ANKS1A: variants seen among roughly 807,000 people sequenced by gnomAD.
ANKS1A encodes ankyrin repeat and sterile alpha motif domain containing 1A.
Under a neutral mutation model 120.3 loss-of-function variants are expected in ANKS1A, and 55 were observed. The observed-to-expected ratio is 0.46, with a 90% CI of 0.37 to 0.57. The LOEUF (loss-of-function observed/expected upper bound fraction) is 0.57. ANKS1A is among the 20% of genes least tolerant of loss of function. ANKS1A has a pLI of 0.00. For missense variants in ANKS1A, 1,123 were observed against 1,480.3 expected, an observed-to-expected ratio of 0.76 and a Z score of 3.96; for synonymous variants, 590 against 604.7, an observed-to-expected ratio of 0.98 and a Z score of 0.36.
intron 20 of ANKS1A, 21 bp downstream of exon 20, chr6:35,083,524 C>G (rs779265569): frequency 6.2e-7 from 1 of 1,612,304 alleles, no homozygotes; most frequent in East Asian, 2.2e-5. Flanking sequence ...TACAGGGACT[C>G]TTGGTGGGAG....
At chr6:34,998,721 A>G (rs556516548) in intron 10 of ANKS1A, among the ~76,000 whole-genome samples, 118 of 152,108 alleles carry the variant, frequency 7.8e-4, no homozygotes, top group African/African-American at 2.7e-3. Context: ...GGAATTGCTC[A>G]CTCGGGGAGC....
intron 1 of ANKS1A, among the ~76,000 whole-genome samples, chr6:34,954,313 A>T (rs1368286049): frequency 6.6e-6 from 1 of 152,174 alleles, no homozygotes; most frequent in Non-Finnish European, 1.5e-5. Flanking sequence ...AGGAGGTTTC[A>T]AACAATTCGT....
chr6:34,936,969 C>T (rs1175325748), intron 1 of ANKS1A, among the ~76,000 whole-genome samples: 1 of 152,108 alleles, frequency 6.6e-6, no homozygotes, highest in Non-Finnish European at 1.5e-5. Flanking sequence ...GTAGGTGGAC[C>T]TTGATCTCAA....
intron 1 of ANKS1A, among the ~76,000 whole-genome samples, chr6:34,955,591 C>G (rs981236244): frequency 3.4e-4 from 52 of 152,128 alleles, no homozygotes; most frequent in Admixed American, 3.4e-3. Context: ...CCAGCATTCT[C>G]CAGATATGGT....
intron 1 of ANKS1A, among the ~76,000 whole-genome samples, chr6:34,914,612 G>A (rs1053540218): frequency 1.3e-5 from 2 of 152,180 alleles, no homozygotes; most frequent in African/African-American, 4.8e-5. Context: ...TTAAAGGAAT[G>A]TGTTGGCCCC....
chr6:35,075,705 G>C (rs547277383), intron 13 of ANKS1A, among the ~76,000 whole-genome samples: 1 of 152,052 alleles, frequency 6.6e-6, no homozygotes, highest in African/African-American at 2.4e-5. Context: ...GAGCCACCGC[G>C]CCTGGCCAAA....
chr6:35,067,775 T>G (rs939788728), intron 13 of ANKS1A, among the ~76,000 whole-genome samples: 2 of 152,194 alleles, frequency 1.3e-5, no homozygotes, highest in African/African-American at 4.8e-5. Flanking sequence ...CTTCCTTTTT[T>G]AAGAAAATTA....
chr6:34,960,685 A>T (rs1160295607), intron 1 of ANKS1A, among the ~76,000 whole-genome samples: 7 of 152,198 alleles, frequency 4.6e-5, no homozygotes, highest in Admixed American at 4.6e-4. Context: ...TTTAGATGCC[A>T]TCCCAAAACA....
intron 23 of ANKS1A, among the ~76,000 whole-genome samples, chr6:35,087,323 A>G (rs1488669280): frequency 6.6e-6 from 1 of 152,176 alleles, no homozygotes; most frequent in Admixed American, 6.5e-5. Flanking sequence ...GGTGGGCATC[A>G]AGAGGGCTCA....
In ANKS1A at chr6:35,017,892, G is replaced by A. The variant is rs1774125607; in HGVS notation, c.1843G>A (p.Ala615Thr). ...SRAPPTSKPK[A>T]ELKLSRSLSK... ...AGCGCCTCCCACTAGCAAACCCAAA[G>A]CTGAACTCAAACTCAGCCGCAGCTT... The change falls in exon 11 of 24, where the codon GCT (alanine) becomes ACT (threonine). Residue 615 changes from alanine (A) to threonine (T), a missense_variant. Physicochemically the swap from Ala to Thr is moderately conservative, Grantham distance 58 (BLOSUM62 0). Transcript: ENST00000360359. 1 of 1,614,086 alleles carries A rather than the reference G, an allele frequency of 6.2e-7. No homozygotes were observed. Among genetic ancestry groups the A allele is most frequent in the Non-Finnish European group, 8.5e-7 (1 of 1,180,036 alleles).
chr6:34,985,934 A>G (rs895526698), intron 8 of ANKS1A, among the ~76,000 whole-genome samples: 16 of 152,238 alleles, frequency 1.1e-4, no homozygotes, highest in Non-Finnish European at 2.9e-5. Context: ...CTTGACTTAC[A>G]GTGGGATTAT....
At chr6:34,896,895 C>G (rs932296166) in intron 1 of ANKS1A, among the ~76,000 whole-genome samples, 5 of 151,952 alleles carry the variant, frequency 3.3e-5, no homozygotes, top group South Asian at 2.1e-4. Flanking sequence ...ACCTGGGAGG[C>G]AGAGGTTGTA....
rs1215030435 is a variant in ANKS1A at position 35,008,221 on chromosome 6, C to CT, written c.1424-9244dup. ...CAGCAGCTTCCTCTTCTCTCGCCAT[C>CT]TTTTTTTTAAATAGACGGGGTCTCG... is the stretch of plus-strand genomic sequence containing the variant. On this transcript the variant is annotated intron_variant, in intron 10 of 23. Coordinates refer to ENST00000360359, the MANE Select transcript of ANKS1A (RefSeq NM_015245.3). Among the ~76,000 whole-genome samples the CT allele has an allele frequency of 5.3e-5, 4 of 76,146 alleles. 1 individual carries two copies. Among genetic ancestry groups the CT allele is most frequent in the East Asian group, 3.4e-4 (1 of 2,914 alleles). The allele number at this position is 76,146 out of a possible 152,430, so 50.0% of individuals were successfully genotyped here.
intron 1 of ANKS1A, among the ~76,000 whole-genome samples, chr6:34,909,118 T>G (rs989571968): frequency 3.3e-5 from 5 of 152,188 alleles, no homozygotes; most frequent in Non-Finnish European, 1.5e-5. Flanking sequence ...GTTCTGACCT[T>G]GATCACCATA....
At position 35,089,953 on chromosome 6, in the gene ANKS1A, A is replaced by C; in HGVS notation, c.*1344A>C. 6 of 1,165,458 alleles carry C rather than the reference A, an allele frequency of 5.1e-6. No homozygotes were observed. The highest frequency in any genetic ancestry group is 6.5e-6 in the Non-Finnish European group (6 of 928,864). 72.2% of individuals were successfully genotyped at this position (1,165,458 alleles called of 1,614,324 possible). On this transcript the variant is annotated 3_prime_UTR_variant, in exon 24 of 24. Transcript: ENST00000360359. The stretch of plus-strand genomic sequence containing the variant: ...CAACACTCCTCTTTCCCAGCCAGCA[A>C]AGGCTGTGAATTTGAATTCTTTGTT...
At chr6:35,004,750 CA>C (rs1488979623) in intron 10 of ANKS1A, among the ~76,000 whole-genome samples, 1 of 150,838 alleles carries the variant, frequency 6.6e-6, no homozygotes, top group African/African-American at 2.4e-5. Context: ...CCCATCTCTG[CA>C]AAAAAAAATT....
At position 35,050,856 on chromosome 6, in the gene ANKS1A, T is replaced by A. The variant is rs2127583869; in HGVS notation, c.2011-3243T>A. On this transcript the variant is annotated intron_variant, in intron 11 of 23. Coordinates refer to ENST00000360359, the MANE Select transcript of ANKS1A (RefSeq NM_015245.3). This position sits in a 1 kb window ranked among gnomAD's most constrained non-coding sequence, Gnocchi z 4.3. ...CAGGTTCCAGTTGCTGAGGAAGGAG[T>A]CCAGGGTTACAGGCTGTGAGTCCAT... Among the ~76,000 whole-genome samples, 1 of 150,888 alleles carries A rather than the reference T, an allele frequency of 6.6e-6. No individual in the cohort carries two copies. Among genetic ancestry groups the A allele is most frequent in the South Asian group, 2.1e-4 (1 of 4,776 alleles).
In ANKS1A at chr6:35,029,228, A is replaced by C. The variant is rs180872384; in HGVS notation, c.2010+11169A>C. Among the ~76,000 whole-genome samples the C allele has an allele frequency of 9.2e-5, 14 of 151,780 alleles. No homozygotes were observed. In the East Asian group the frequency reaches 2.7e-3, roughly 29 times the overall value. Reference sequence around the variant, plus strand: ...TAGAAGCTCTTTGTATTTGAGAAAAATTAGCCCTTTATCTATGATATGATT... The same window carrying C: ...TAGAAGCTCTTTGTATTTGAGAAAACTTAGCCCTTTATCTATGATATGATT... On this transcript the variant is annotated intron_variant, in intron 11 of 23. Transcript: ENST00000360359.
intron 16 of ANKS1A, among the ~76,000 whole-genome samples, chr6:35,080,196 A>G (rs1464316313): frequency 6.6e-6 from 1 of 151,924 alleles, no homozygotes; most frequent in Non-Finnish European, 1.5e-5. Flanking sequence ...GTGCCTGGGG[A>G]CAGGGAGGGG....
Sources: gnomAD v4.1 joint callset for allele counts (sites outside exome capture counted in the v4.1 genomes callset) on GRCh38, gnomAD v4.1.1 for gene constraint, Gnocchi (gnomAD v3.1) non-coding constraint, MANE v1.5 for transcripts, NCBI Gene and HGNC (gene_info 2026-07-23, HGNC 2026-07-21) for gene names.